MFSD11: variants seen among roughly 807,000 people sequenced by gnomAD.
MFSD11 encodes the protein major facilitator superfamily domain containing 11, also known as UNC93-like protein MFSD11.
A neutral mutation model predicts 53.5 loss-of-function variants in MFSD11; 36 were observed. That is an observed-to-expected ratio of 0.67 (90% CI 0.52 to 0.89). MFSD11 has a LOEUF of 0.89. MFSD11 is among the 40% of genes least tolerant of loss of function. The pLI is 0.00. For missense variants in MFSD11, 530 were observed against 543.9 expected (o/e 0.97, Z 0.25); for synonymous variants, 186 against 184.9 (o/e 1.01, Z -0.05).
At chr17:76,794,946 G>A in the MFSD11 span, among the ~76,000 whole-genome samples, 1 of 150,872 alleles carries the variant, frequency 6.6e-6, no homozygotes, top group Admixed American at 6.6e-5. Context: ...CACCTGCCTC[G>A]GCCTTCAAAA....
intron 8 of MFSD11, among the ~76,000 whole-genome samples, chr17:76,762,511 A>G (rs762743658): frequency 2.0e-5 from 3 of 152,016 alleles, no homozygotes; most frequent in Non-Finnish European, 4.4e-5. Context: ...CTAAAAATAC[A>G]AAAAAATTAG....
upstream of MFSD11, chr17:76,737,459 G>T: frequency 5.3e-6 from 2 of 374,074 alleles, no homozygotes; most frequent in Non-Finnish European, 9.7e-6. Context: ...CGCGCGCCCC[G>T]CCCCTACCCG....
At position 76,769,706 on chromosome 17, in the gene MFSD11, G is replaced by A. The variant is rs763680410; in HGVS notation, c.749-40G>A. ...TAGATGGGAAGATAAACAAAAATGT[G>A]AATATATAAATGACATCTGTTTTTT... On this transcript the variant is annotated intron_variant, in intron 9 of 12. Coordinates refer to ENST00000685175, the MANE Select transcript of MFSD11 (RefSeq NM_001242532.5). 12 of 1,515,560 alleles carry A rather than the reference G, an allele frequency of 7.9e-6. No individual in the cohort carries two copies. In the South Asian group the frequency reaches 1.5e-4, roughly 19 times the overall value. The allele number at this position is 1,515,560 out of a possible 1,614,324, so 93.9% of individuals were successfully genotyped here. A position where few individuals can be genotyped will look rare whatever the true frequency, so the allele number is the denominator to read the frequency against.
At position 76,759,553 on chromosome 17, in the gene MFSD11, T is replaced by G. The variant is rs1317990600; in HGVS notation, c.682+5466T>G. On this transcript the variant is annotated intron_variant, in intron 8 of 12. Coordinates refer to ENST00000685175, the MANE Select transcript of MFSD11 (RefSeq NM_001242532.5). ...CACTGCAACCTCCGCCCCGCAGGTT[T>G]AAGCGATTCTCCTGCCTCAGCCTCC... 3.3e-5 allele frequency among the ~76,000 whole-genome samples: 5 copies of G among 152,000 alleles called. No homozygotes were observed. The East Asian group carries it at 9.7e-4, about 30-fold the overall frequency.
At chr17:76,790,676 G>A in the MFSD11 span, among the ~76,000 whole-genome samples, 4 of 147,016 alleles carry the variant, frequency 2.7e-5, no homozygotes, top group African/African-American at 7.6e-5. Context: ...AGTCTAACTC[G>A]GCCGGGCGTG....
At chr17:76,737,272 A>C (rs2077556443), upstream of MFSD11, 2 of 1,400,826 alleles carry the variant, frequency 1.4e-6, no homozygotes, top group Admixed American at 5.6e-5. Context: ...ACACTGGGAA[A>C]GGCCTTGCCG....
At chr17:76,768,231 T>A (rs1372171023) in intron 9 of MFSD11, among the ~76,000 whole-genome samples, 2 of 143,786 alleles carry the variant, frequency 1.4e-5, no homozygotes, top group Non-Finnish European at 3.0e-5. Context: ...CTGAGCTCAG[T>A]AAGTCAAGGT....
At chr17:76,780,866 T>C (rs142173964), downstream of MFSD11, among the ~76,000 whole-genome samples, 101 of 152,348 alleles carry the variant, frequency 6.6e-4, no homozygotes, top group African/African-American at 2.4e-3. Context: ...ATAACCTCCA[T>C]TGGCTTAGTT....
At chr17:76,788,884 G>C in the MFSD11 span, among the ~76,000 whole-genome samples, 1 of 147,980 alleles carries the variant, frequency 6.8e-6, no homozygotes, top group Non-Finnish European at 1.5e-5. Context: ...GCTCATGCCT[G>C]TAAGCCCAGC....
chr17:76,738,702 T>C (rs963620979), intron 1 of MFSD11, among the ~76,000 whole-genome samples: 3 of 152,250 alleles, frequency 2.0e-5, no homozygotes, highest in Non-Finnish European at 4.4e-5. Flanking sequence ...TTCTCGTCTG[T>C]ATTAAGCGCT....
chr17:76,753,171 C>G (rs1443285430), intron 7 of MFSD11, among the ~76,000 whole-genome samples: 1 of 152,140 alleles, frequency 6.6e-6, no homozygotes, highest in East Asian at 1.9e-4. Flanking sequence ...GTCAAAGTCT[C>G]TTGGTTCTCG....
chr17:76,742,647 C>T (rs1051549258), intron 5 of MFSD11, among the ~76,000 whole-genome samples: 5 of 152,030 alleles, frequency 3.3e-5, no homozygotes, highest in Non-Finnish European at 5.9e-5. Flanking sequence ...GGATTACAGG[C>T]GCCCACCACC....
the MFSD11 span, among the ~76,000 whole-genome samples, chr17:76,799,955 C>CTTT: frequency 5.0e-5 from 7 of 138,862 alleles, no homozygotes; most frequent in African/African-American, 1.9e-4. Flanking sequence ...TTTCTTTTTC[C>CTTT]TTTTTTTTTT....
chr17:76,737,516 A>G (rs966827524), upstream of MFSD11: 3 of 301,136 alleles, frequency 1.0e-5, no homozygotes, highest in African/African-American at 6.4e-5. Context: ...GCGCGGAGTC[A>G]CGGCTGGAGG....
chr17:76,760,140 C>T (rs146960397), intron 8 of MFSD11, among the ~76,000 whole-genome samples: 2,748 of 150,810 alleles, frequency 0.018, 83 homozygotes, highest in African/African-American at 0.062. Context: ...TGGTGGCTGG[C>T]GCCTATAATC....
the MFSD11 span, among the ~76,000 whole-genome samples, chr17:76,790,378 G>C: frequency 7.0e-6 from 1 of 143,676 alleles, no homozygotes; most frequent in South Asian, 2.3e-4. Context: ...ATCTCACTCT[G>C]TTGCCCAGGC....
At chr17:76,773,113 A>G (rs2081515162) in intron 10 of MFSD11, 1 of 152,222 alleles carries the variant, frequency 6.6e-6, no homozygotes, top group Non-Finnish European at 1.5e-5. Flanking sequence ...TGTACTGATC[A>G]GTCCTCAGCT....
At chr17:76,786,030 G>A (rs1260497046), downstream of MFSD11, among the ~76,000 whole-genome samples, 2 of 137,214 alleles carry the variant, frequency 1.5e-5, no homozygotes, top group African/African-American at 2.7e-5. Flanking sequence ...AGCCGAGATC[G>A]AGCCACCGCA....
Position 76,772,058 on chromosome 17 carries a change from A to C in MFSD11, c.874+2187A>C, listed in dbSNP as rs560448435. 2.6e-5 allele frequency among the ~76,000 whole-genome samples: 4 copies of C among 152,258 alleles called. No homozygotes were observed. The East Asian group carries it at 7.7e-4, about 29-fold the overall frequency. Reference sequence around the variant, plus strand: ...CTTGTTTAGTGTCTGCCTGTAGACTACCTGGGAAGAAACTCACTTTCTGTA... The same window carrying C: ...CTTGTTTAGTGTCTGCCTGTAGACTCCCTGGGAAGAAACTCACTTTCTGTA... On this transcript the variant is annotated intron_variant, in intron 10 of 12. Transcript: ENST00000685175.
Sources: allele counts gnomAD v4.1 joint callset (sites outside exome capture counted in the v4.1 genomes callset), GRCh38; gene constraint gnomAD v4.1.1; transcripts MANE v1.5; gene names NCBI Gene and HGNC (gene_info 2026-07-23, HGNC 2026-07-21).